Variants in ATP13A4 observed in about 807,000 individuals in gnomAD.
The protein encoded by ATP13A4 is probable cation-transporting ATPase 13A4.
Under a neutral mutation model 142.5 loss-of-function variants are expected in ATP13A4, and 114 were observed. That is an observed-to-expected ratio of 0.80 (90% CI 0.69 to 0.93). The LOEUF is 0.93. Among genes scored for constraint, ATP13A4 ranks in the 40% least tolerant of loss-of-function variants. The pLI is 0.00. For synonymous variants in ATP13A4, 488 were observed against 514.8 expected (o/e 0.95, Z 0.70); for missense variants, 1,392 against 1,454.0 (o/e 0.96, Z 0.69).
At chr3:193,542,453 A>G (rs1337171836) in intron 1 of ATP13A4, among the ~76,000 whole-genome samples, 1 of 152,180 alleles carries the variant, frequency 6.6e-6, no homozygotes, top group Non-Finnish European at 1.5e-5. Flanking sequence ...GACATTCTTC[A>G]TAGAATTAGA....
intron 18 of ATP13A4, 47 bp from the exon 19 acceptor site, chr3:193,442,603 T>A (rs754088113): frequency 7.0e-6 from 11 of 1,570,628 alleles, no homozygotes; most frequent in Non-Finnish European, 9.6e-6. Flanking sequence ...CAAGATTGAA[T>A]TAATTCATGC....
At chr3:193,412,509 ACAC>A in intron 26 of ATP13A4, 138 bp from the exon 27 acceptor site, 4 of 41,792 alleles carry the variant, frequency 9.6e-5, no homozygotes, top group African/African-American at 4.6e-4. Flanking sequence ...TTTGGAAAAC[ACAC>A]ACACACACAC....
chr3:193,477,942 A>G (rs1719064594), intron 8 of ATP13A4, among the ~76,000 whole-genome samples: 1 of 152,088 alleles, frequency 6.6e-6, no homozygotes, highest in African/African-American at 2.4e-5. Flanking sequence ...CAATAGCATC[A>G]AAAATATGAA....
chr3:193,565,536 T>C (rs1249369083), intron 2 of ATP13A4, among the ~76,000 whole-genome samples: 1 of 152,188 alleles, frequency 6.6e-6, no homozygotes, highest in Non-Finnish European at 1.5e-5. Flanking sequence ...GCAACCTCAC[T>C]GTCTAACTTG....
At chr3:193,577,072 A>C (rs1724412207) in intron 2 of ATP13A4, among the ~76,000 whole-genome samples, 1 of 152,250 alleles carries the variant, frequency 6.6e-6, no homozygotes, top group Non-Finnish European at 1.5e-5. Flanking sequence ...GTCAAAATAC[A>C]CTTGGATAAA....
At chr3:193,554,646 ATGCGTGCGTGTG>A (rs1218444426) in intron 1 of ATP13A4, 82 bp downstream of exon 1, 1 of 1,379,980 alleles carries the variant, frequency 7.2e-7, no homozygotes, top group Non-Finnish European at 1.0e-6. Flanking sequence ...TGTGTGTGTG[ATGCGTGCGTGTG>A]TGTGTGTGTG....
intron 2 of ATP13A4, among the ~76,000 whole-genome samples, chr3:193,509,701 A>G (rs1055827426): frequency 6.6e-6 from 1 of 152,218 alleles, no homozygotes; most frequent in African/African-American, 2.4e-5. Flanking sequence ...ACAGGCAATT[A>G]ACTCCCTCCC....
chr3:193,477,707 T>G (rs1719047320), intron 8 of ATP13A4, among the ~76,000 whole-genome samples: 1 of 151,970 alleles, frequency 6.6e-6, no homozygotes, highest in Admixed American at 6.6e-5. Flanking sequence ...CCAGACCAAG[T>G]CCAGATGACT....
chr3:193,401,216 A>T lies in ATP13A4; in HGVS notation c.*1436T>A, dbSNP rs1222576477. 6.6e-6 allele frequency among the ~76,000 whole-genome samples: 1 copy of T among 152,176 alleles called. No individual in the cohort carries two copies. The highest frequency in any genetic ancestry group is 1.5e-5 in the Non-Finnish European group (1 of 68,020). On this transcript the variant is annotated 3_prime_UTR_variant, in exon 30 of 30. Coordinates refer to ENST00000342695, the MANE Select transcript of ATP13A4 (RefSeq NM_032279.4). ...ACCTAGGATTTGATGCTCATAATAC[A>T]AATTTTGCTTTTGCCTTAAAATATT...
intron 25 of ATP13A4, among the ~76,000 whole-genome samples, chr3:193,417,726 C>T (rs528787870): frequency 2.2e-5 from 3 of 137,184 alleles, no homozygotes; most frequent in South Asian, 4.5e-4. Flanking sequence ...TGGCTCATGC[C>T]TGTAATCCCA....
At chr3:193,548,823 T>C (rs191395448) in intron 1 of ATP13A4, among the ~76,000 whole-genome samples, 5 of 152,346 alleles carry the variant, frequency 3.3e-5, no homozygotes, top group Admixed American at 3.3e-4. Context: ...TGCCCATTAC[T>C]AGGTTCTCCG....
upstream of ATP13A4, among the ~76,000 whole-genome samples, chr3:193,559,461 A>G (rs1396924741): frequency 6.6e-6 from 1 of 152,210 alleles, no homozygotes. Flanking sequence ...CTTTACCTTT[A>G]GTATTAATTA....
chr3:193,431,705 C>T (rs2108615709), intron 25 of ATP13A4, among the ~76,000 whole-genome samples: 1 of 150,504 alleles, frequency 6.6e-6, no homozygotes, highest in Non-Finnish European at 1.5e-5. Context: ...TTTATATATA[C>T]ACACATATAT....
chr3:193,531,923 T>C (rs1722360689), intron 1 of ATP13A4, among the ~76,000 whole-genome samples: 3 of 152,210 alleles, frequency 2.0e-5, no homozygotes, highest in African/African-American at 7.2e-5. Flanking sequence ...CACTAGGTAA[T>C]GAGTTATCTG....
chr3:193,426,295 C>A (rs1043202184), intron 25 of ATP13A4, among the ~76,000 whole-genome samples: 2 of 151,522 alleles, frequency 1.3e-5, no homozygotes, highest in African/African-American at 4.8e-5. Flanking sequence ...ATAAACTTAA[C>A]CAAGAAAGAG....
intron 3 of ATP13A4, among the ~76,000 whole-genome samples, chr3:193,494,388 AG>A (rs1158402787): frequency 6.6e-6 from 1 of 152,082 alleles, no homozygotes; most frequent in Non-Finnish European, 1.5e-5. Flanking sequence ...GTCACAAAAA[AG>A]TCTTAACAAA....
intron 7 of ATP13A4, among the ~76,000 whole-genome samples, chr3:193,484,310 A>AAAATAAATAAATAAATAAAT (rs201541607): frequency 1.4e-5 from 2 of 144,532 alleles, no homozygotes; most frequent in Non-Finnish European, 3.0e-5. Flanking sequence ...ACTCTGTCTC[A>AAAATAAATAAATAAATAAAT]AAATAAATAA....
rs1339836716 is a variant in ATP13A4, at chr3:193,458,878, C to A, written c.1674+203G>T. On this transcript the variant is annotated intron_variant, in intron 14 of 29. Coordinates refer to ENST00000342695, the MANE Select transcript of ATP13A4 (RefSeq NM_032279.4). The stretch of plus-strand genomic sequence containing the variant: ...TTCTTACTGCATCATCTCATTTAAT[C>A]CTCACAATCTCATTATGTAGATGCT... 9.1e-5 allele frequency: 62 copies of A among 682,740 alleles called. No individual in the cohort carries two copies. The East Asian group carries it at 1.6e-3, about 17-fold the overall frequency. 42.3% of individuals were successfully genotyped at this position (682,740 alleles called of 1,614,324 possible). A position where few individuals can be genotyped will look rare whatever the true frequency, so the allele number is the denominator to read the frequency against.
At chr3:193,459,306 A>T in intron 13 of ATP13A4, 75 bp from the exon 14 acceptor site, 1 of 1,545,684 alleles carries the variant, frequency 6.5e-7, no homozygotes, top group Non-Finnish European at 8.8e-7. Flanking sequence ...GTGAACAAAC[A>T]TCTTTATAAA....
Sources: allele counts gnomAD v4.1 joint callset (sites outside exome capture counted in the v4.1 genomes callset), GRCh38; gene constraint gnomAD v4.1.1; transcripts MANE v1.5; gene names NCBI Gene and HGNC (gene_info 2026-07-23, HGNC 2026-07-21).